Variants in GREM1 observed in about 807,000 individuals in gnomAD.
GREM1 encodes gremlin 1, DAN family BMP antagonist, also known as gremlin-1.
GREM1 carries 6 observed loss-of-function variants against 13.1 expected under a neutral mutation model. That is an observed-to-expected ratio of 0.46 (90% CI 0.25 to 0.91). The LOEUF (loss-of-function observed/expected upper bound fraction) is 0.91, where lower values mean the gene tolerates loss of function less well. GREM1 is among the 40% of genes least tolerant of loss of function. The probability of loss-of-function intolerance (pLI) is 0.18; values close to 1 mark genes in which losing one functional copy is unlikely to be tolerated. For synonymous variants in GREM1, 98 were observed against 93.7 expected (o/e 1.05, Z -0.27); for missense variants, 185 against 233.9 (o/e 0.79, Z 1.36).
rs1029518710 is a variant in GREM1, at chr15:32,731,686, T to G, written c.*441T>G. ...TGCTGCATTCGACATGGAAAAGTCC[T>G]TTTAACCTGTGCTTGCATCCTCCTT... On this transcript the variant is annotated 3_prime_UTR_variant, in exon 2 of 2. Transcript: ENST00000651154. 3.8e-6 allele frequency: 1 copy of G among 262,450 alleles called. No individual in the cohort carries two copies. The highest frequency in any genetic ancestry group is 7.8e-6 in the Non-Finnish European group (1 of 128,002). The allele number at this position is 262,450 out of a possible 1,614,324, so 16.3% of individuals were successfully genotyped here.
rs1022253302 is a variant in GREM1 at position 32,741,415 on chromosome 15, A to G, written c.*10170A>G. 2.7e-5 allele frequency: 4 copies of G among 149,538 alleles called. No individual in the cohort carries two copies. The highest frequency in any genetic ancestry group is 9.9e-5 in the African/African-American group (4 of 40,582). 9.3% of individuals were successfully genotyped at this position (149,538 alleles called of 1,614,324 possible). ...ACCTTTCACTTTCTTAGTTTATTCC[A>G]GGGTCTTTTTTTTTTTTGCTGCTAT... On this transcript the variant is annotated 3_prime_UTR_variant, in exon 2 of 2. Transcript: ENST00000651154.
Position 32,731,079 on chromosome 15 carries a change from A to G in GREM1, c.389A>G (p.His130Arg). Residue 130 changes from histidine to arginine, a missense_variant, in exon 2 of 2, where the codon CAC becomes CGC. Transcript: ENST00000651154. ...TGCAACTCTTTCTACATCCCCAGGC[A>G]CATCCGGAAGGAGGAAGGTTCCTTT... ...GQCNSFYIPR[H>R]IRKEEGSFQS... is the part of the protein sequence containing the mutation. 6.2e-7 allele frequency: 1 copy of G among 1,614,200 alleles called. No homozygotes were observed. Among genetic ancestry groups the G allele is most frequent in the South Asian group, 1.1e-5 (1 of 91,088 alleles).
chr15:32,720,694 T>A (rs1034316558), intron 1 of GREM1, among the ~76,000 whole-genome samples: 1 of 152,238 alleles, frequency 6.6e-6, no homozygotes, highest in Non-Finnish European at 1.5e-5. Flanking sequence ...ATCTTTTTAT[T>A]CACATGTGAA....
Position 32,732,962 on chromosome 15 carries a change from A to G in GREM1, c.*1717A>G, listed in dbSNP as rs16957261. On this transcript the variant is annotated 3_prime_UTR_variant, in exon 2 of 2. Coordinates refer to ENST00000651154, the MANE Select transcript of GREM1 (RefSeq NM_013372.7). ...AGACTTGAGATTCAGTTGCCGATCA[A>G]GGCTCTGGCATTCAGAGAACCCTTG... 3.5e-3 allele frequency: 782 copies of G among 223,726 alleles called. 6 individuals carry two copies. Among genetic ancestry groups the G allele is most frequent in the African/African-American group, 0.017 (738 of 44,164 alleles). 13.9% of individuals were successfully genotyped at this position (223,726 alleles called of 1,614,324 possible).
rs1332671209 is a variant in GREM1 at position 32,739,529 on chromosome 15, A to G, written c.*8284A>G. The G allele has an allele frequency of 6.6e-6, 1 of 152,238 alleles. No individual in the cohort carries two copies. The highest frequency in any genetic ancestry group is 1.5e-5 in the Non-Finnish European group (1 of 68,046). The allele number at this position is 152,238 out of a possible 1,614,324, so 9.4% of individuals were successfully genotyped here. ...AATGTTTGCTTCTTCCTCTGGCACCAACAAGTTTACTGAGCAGAAGTTTAA... is the reference window on the plus strand; with the variant it reads ...AATGTTTGCTTCTTCCTCTGGCACCGACAAGTTTACTGAGCAGAAGTTTAA... On this transcript the variant is annotated 3_prime_UTR_variant, in exon 2 of 2. Transcript: ENST00000651154.
At chr15:32,726,313 A>G (rs2055503318) in intron 1 of GREM1, among the ~76,000 whole-genome samples, 1 of 152,180 alleles carries the variant, frequency 6.6e-6, no homozygotes, top group South Asian at 2.1e-4. Context: ...CCCCAGTGCA[A>G]TCAAATTAGA....
chr15:32,734,758 G>A lies in GREM1; in HGVS notation c.*3513G>A, dbSNP rs1244250751. On this transcript the variant is annotated 3_prime_UTR_variant, in exon 2 of 2. Transcript: ENST00000651154. Reference sequence around the variant, plus strand: ...ATCATGGGAAGGGAGGTAGAAAAGAGAATTGGATAGCCTGTGATCTTTGGT... The same window carrying A: ...ATCATGGGAAGGGAGGTAGAAAAGAAAATTGGATAGCCTGTGATCTTTGGT... 4 of 198,726 alleles carry A rather than the reference G, an allele frequency of 2.0e-5. No homozygotes were observed. The highest frequency in any genetic ancestry group is 9.2e-5 in the African/African-American group (4 of 43,340). 12.3% of individuals were successfully genotyped at this position (198,726 alleles called of 1,614,324 possible). A position where few individuals can be genotyped will look rare whatever the true frequency, so the allele number is the denominator to read the frequency against.
chr15:32,738,942 C>T lies in GREM1; in HGVS notation c.*7697C>T, dbSNP rs1417046284. 1 of 152,204 alleles carries T rather than the reference C, an allele frequency of 6.6e-6. No homozygotes were observed. Among genetic ancestry groups the T allele is most frequent in the African/African-American group, 2.4e-5 (1 of 41,438 alleles). 9.4% of individuals were successfully genotyped at this position (152,204 alleles called of 1,614,324 possible). On this transcript the variant is annotated 3_prime_UTR_variant, in exon 2 of 2. Transcript: ENST00000651154. Reference sequence around the variant, plus strand: ...CCAGCCTACATGACAGAGTAAGTCTCTGTCTCAAAAACAAAACAAACAACA... The same window carrying T: ...CCAGCCTACATGACAGAGTAAGTCTTTGTCTCAAAAACAAAACAAACAACA...
rs1265515982 is a variant in GREM1, at chr15:32,738,933, A to G, written c.*7688A>G. ...CACTGCACTCCAGCCTACATGACAG[A>G]GTAAGTCTCTGTCTCAAAAACAAAA... On this transcript the variant is annotated 3_prime_UTR_variant, in exon 2 of 2. Coordinates refer to ENST00000651154, the MANE Select transcript of GREM1 (RefSeq NM_013372.7). 1 of 152,208 alleles carries G rather than the reference A, an allele frequency of 6.6e-6. No individual in the cohort carries two copies. The highest frequency in any genetic ancestry group is 1.9e-4 in the East Asian group (1 of 5,190). 9.4% of individuals were successfully genotyped at this position (152,208 alleles called of 1,614,324 possible).
chr15:32,740,988 T>G lies in GREM1; in HGVS notation c.*9743T>G, dbSNP rs2055756597. ...AGGAAACAGGAGATGAAAAGCATGG[T>G]GATAAGAAGACTGGATGGCACCACA... is the stretch of plus-strand genomic sequence containing the variant. On this transcript the variant is annotated 3_prime_UTR_variant, in exon 2 of 2. Coordinates refer to ENST00000651154, the MANE Select transcript of GREM1 (RefSeq NM_013372.7). 1 of 152,044 alleles carries G rather than the reference T, an allele frequency of 6.6e-6. No individual in the cohort carries two copies. The highest frequency in any genetic ancestry group is 6.6e-5 in the Admixed American group (1 of 15,266). 9.4% of individuals were successfully genotyped at this position (152,044 alleles called of 1,614,324 possible). A position where few individuals can be genotyped will look rare whatever the true frequency, so the allele number is the denominator to read the frequency against.
rs1455136459 is a variant in GREM1 at position 32,743,649 on chromosome 15, A to T, written c.*12404A>T. Reference sequence around the variant, plus strand: ...TCTAAAGGCTTGCCTGGGGCTGGAGACGCACTTTCAATGTGGTGTACTCAC... The same window carrying T: ...TCTAAAGGCTTGCCTGGGGCTGGAGTCGCACTTTCAATGTGGTGTACTCAC... On this transcript the variant is annotated 3_prime_UTR_variant, in exon 2 of 2. Transcript: ENST00000651154. 6.6e-6 allele frequency: 1 copy of T among 152,128 alleles called. No homozygotes were observed. The highest frequency in any genetic ancestry group is 1.5e-5 in the Non-Finnish European group (1 of 68,032). 9.4% of individuals were successfully genotyped at this position (152,128 alleles called of 1,614,324 possible).
rs1567117436 is a variant in GREM1 at position 32,738,098 on chromosome 15, A to C, written c.*6853A>C. On this transcript the variant is annotated 3_prime_UTR_variant, in exon 2 of 2. Coordinates refer to ENST00000651154, the MANE Select transcript of GREM1 (RefSeq NM_013372.7). ...GGTAATTAGGCAAAAAAAAAAAAAAAAAAAAAAAAAAAAAAAAAAAAAAAA... is the reference window on the plus strand; with the variant it reads ...GGTAATTAGGCAAAAAAAAAAAAAACAAAAAAAAAAAAAAAAAAAAAAAAA... 2.2e-4 allele frequency: 16 copies of C among 71,894 alleles called. No homozygotes were observed. The highest frequency in any genetic ancestry group is 9.1e-4 in the African/African-American group (14 of 15,356). The allele number at this position is 71,894 out of a possible 1,614,324, so 4.5% of individuals were successfully genotyped here.
At position 32,732,102 on chromosome 15, in the gene GREM1, A is replaced by G. The variant is rs1424027637; in HGVS notation, c.*857A>G. On this transcript the variant is annotated 3_prime_UTR_variant, in exon 2 of 2. Coordinates refer to ENST00000651154, the MANE Select transcript of GREM1 (RefSeq NM_013372.7). ...TGGCCGTTGCAATCTGCTCAAACCTAACACCAAACTGAAAACATAAATACT... is the reference window on the plus strand; with the variant it reads ...TGGCCGTTGCAATCTGCTCAAACCTGACACCAAACTGAAAACATAAATACT... The G allele has an allele frequency of 8.3e-6, 2 of 240,872 alleles. No homozygotes were observed. Among genetic ancestry groups the G allele is most frequent in the Admixed American group, 1.1e-4 (2 of 17,550 alleles). The allele number at this position is 240,872 out of a possible 1,614,324, so 14.9% of individuals were successfully genotyped here.
intron 1 of GREM1, among the ~76,000 whole-genome samples, chr15:32,720,711 G>A (rs540967756): frequency 3.3e-4 from 50 of 152,190 alleles, no homozygotes; most frequent in Admixed American, 2.6e-4. Flanking sequence ...TGAACATGAA[G>A]ATACAAAATA....
At chr15:32,726,550 T>C (rs2055508452) in intron 1 of GREM1, among the ~76,000 whole-genome samples, 1 of 151,930 alleles carries the variant, frequency 6.6e-6, no homozygotes, top group Non-Finnish European at 1.5e-5. Flanking sequence ...GCGGGACAGA[T>C]CTAAAATCGA....
intron 1 of GREM1, among the ~76,000 whole-genome samples, chr15:32,726,759 C>T (rs540735496): frequency 7.0e-6 from 1 of 142,118 alleles, no homozygotes; most frequent in East Asian, 2.1e-4. Flanking sequence ...GCTAGCCAAA[C>T]TAATAAAGGA....
intron 1 of GREM1, among the ~76,000 whole-genome samples, chr15:32,722,744 C>A (rs2055429740): frequency 6.6e-6 from 1 of 151,986 alleles, no homozygotes; most frequent in South Asian, 2.1e-4. Flanking sequence ...GAGTATGTGT[C>A]CTCTGGGACA....
At chr15:32,726,225 T>G (rs1393371996) in intron 1 of GREM1, among the ~76,000 whole-genome samples, 1 of 152,174 alleles carries the variant, frequency 6.6e-6, no homozygotes. Context: ...ATCGCACTTA[T>G]TCTAAAATGA....
intron 1 of GREM1, among the ~76,000 whole-genome samples, chr15:32,724,184 G>C (rs1236551839): frequency 6.6e-6 from 1 of 152,218 alleles, no homozygotes; most frequent in East Asian, 1.9e-4. Flanking sequence ...TGAGTATAAA[G>C]AAAGCCTTAA....
Sources: gnomAD v4.1 joint callset for allele counts (sites outside exome capture counted in the v4.1 genomes callset) on GRCh38, gnomAD v4.1.1 for gene constraint, MANE v1.5 for transcripts, NCBI Gene and HGNC (gene_info 2026-07-23, HGNC 2026-07-21) for gene names.